CCL25: variants seen among roughly 807,000 people sequenced by gnomAD.
The protein encoded by CCL25 is C-C motif chemokine 25.
Under a neutral mutation model 19.9 loss-of-function variants are expected in CCL25, and 14 were observed. That is an observed-to-expected ratio of 0.70 (90% confidence interval 0.47 to 1.10). CCL25 has a LOEUF of 1.10. Ranked by LOEUF, CCL25 falls within the 50% of genes least tolerant of loss-of-function variation. The probability of loss-of-function intolerance (pLI) is 0.00; values close to 1 mark genes in which losing one functional copy is unlikely to be tolerated. For missense variants in CCL25, 151 were observed against 181.2 expected, an observed-to-expected ratio of 0.83 and a Z score of 0.96; for synonymous variants, 68 against 73.2, an observed-to-expected ratio of 0.93 and a Z score of 0.36.
intron 2 of CCL25, among the ~76,000 whole-genome samples, chr19:8,053,641 T>C (rs1032061926): frequency 3.3e-5 from 5 of 150,296 alleles, no homozygotes; most frequent in South Asian, 2.1e-4. Context: ...CTCCGCCTCC[T>C]GGGCTCAAGC....
chr19:8,060,982 A>ATTTTT lies in CCL25; in HGVS notation c.446-1219_446-1215dup, dbSNP rs68112327. On this transcript the variant is annotated intron_variant, in intron 5 of 5. Coordinates refer to ENST00000315626, the MANE Select transcript of CCL25 (RefSeq NM_005624.4). The stretch of plus-strand genomic sequence containing the variant: ...GGTGTGAGCCACCATGCCCGGCCTA[A>ATTTTT]TTTTTTTTTTTTTTTTTTTTTGAGA... 1.2e-3 allele frequency among the ~76,000 whole-genome samples: 117 copies of ATTTTT among 95,140 alleles called. 5 individuals are homozygous for ATTTTT. The highest frequency in any genetic ancestry group is 1.5e-3 in the Non-Finnish European group (75 of 49,802). 62.4% of individuals were successfully genotyped at this position (95,140 alleles called of 152,430 possible).
At chr19:8,055,425 T>TCC (rs1217269061) in intron 2 of CCL25, among the ~76,000 whole-genome samples, 1 of 149,372 alleles carries the variant, frequency 6.7e-6, no homozygotes, top group African/African-American at 2.5e-5. Flanking sequence ...AAGCTCTGCC[T>TCC]CCCGGGTTCA....
At chr19:8,058,995 TAATATA>T (rs1199657918) in intron 5 of CCL25, among the ~76,000 whole-genome samples, 1 of 126,488 alleles carries the variant, frequency 7.9e-6, no homozygotes, top group Admixed American at 1.0e-4. Context: ...TATAAATATA[TAATATA>T]AATATATAAA....
intron 5 of CCL25, among the ~76,000 whole-genome samples, chr19:8,058,845 A>T (rs1387612371): frequency 7.1e-6 from 1 of 140,200 alleles, no homozygotes; most frequent in Non-Finnish European, 1.5e-5. Flanking sequence ...TTTTTAGTAG[A>T]GACGGGGTTT....
At chr19:8,058,353 A>G (rs2081288083) in intron 5 of CCL25, among the ~76,000 whole-genome samples, 1 of 84,088 alleles carries the variant, frequency 1.2e-5, no homozygotes, top group Admixed American at 1.2e-4. Context: ...TAATATATAT[A>G]AGTAAATATA....
intron 4 of CCL25, 31 bp downstream of exon 4, chr19:8,056,530 G>A: frequency 6.2e-7 from 1 of 1,612,824 alleles, no homozygotes; most frequent in Non-Finnish European, 8.5e-7. Context: ...GCATCTAGGG[G>A]GCCTGCCCTC....
intron 5 of CCL25, among the ~76,000 whole-genome samples, chr19:8,058,710 G>C (rs1254278636): frequency 7.3e-6 from 1 of 137,372 alleles, no homozygotes; most frequent in African/African-American, 2.7e-5. Flanking sequence ...CCAGGCTGGA[G>C]TGCAGTGGCG....
At chr19:8,054,424 C>A (rs558638529) in intron 2 of CCL25, among the ~76,000 whole-genome samples, 3 of 152,228 alleles carry the variant, frequency 2.0e-5, no homozygotes, top group East Asian at 3.9e-4. Context: ...TCAGAGGCCG[C>A]GGTTGGGAGA....
At chr19:8,053,503 G>A (rs2145278360) in intron 2 of CCL25, among the ~76,000 whole-genome samples, 1 of 151,804 alleles carries the variant, frequency 6.6e-6, no homozygotes, top group East Asian at 1.9e-4. Context: ...TTCCCATCCT[G>A]GTCCCTCCAT....
At chr19:8,059,285 G>T (rs2041197814) in intron 5 of CCL25, among the ~76,000 whole-genome samples, 1 of 147,946 alleles carries the variant, frequency 6.8e-6, no homozygotes, top group Non-Finnish European at 1.5e-5. Context: ...TGCAACCTCC[G>T]CCTCCAGGGT....
intron 5 of CCL25, among the ~76,000 whole-genome samples, chr19:8,058,693 CTG>C (rs2081293145): frequency 7.3e-6 from 1 of 136,730 alleles, no homozygotes; most frequent in Non-Finnish European, 1.5e-5. Flanking sequence ...GAGTCTCACT[CTG>C]TTGCCCAGGC....
chr19:8,062,428 A>G lies in CCL25; in HGVS notation c.*203A>G. ...GAAAGAGGGAGTTGGCCTGATTTTA[A>G]GCCTTTTGCCGCTCCGGGGACCAGC... is the stretch of plus-strand genomic sequence containing the variant. On this transcript the variant is annotated 3_prime_UTR_variant, in exon 6 of 6. Transcript: ENST00000315626. The G allele has an allele frequency of 1.7e-6, 1 of 590,098 alleles. No individual in the cohort carries two copies. Among genetic ancestry groups the G allele is most frequent in the East Asian group, 2.9e-5 (1 of 35,056 alleles). 36.6% of individuals were successfully genotyped at this position (590,098 alleles called of 1,614,324 possible).
At chr19:8,055,581 A>T (rs575560874) in intron 2 of CCL25, among the ~76,000 whole-genome samples, 1 of 151,370 alleles carries the variant, frequency 6.6e-6, no homozygotes, top group Non-Finnish European at 1.5e-5. Flanking sequence ...TGATCCGCCC[A>T]CCTTGGCCTC....
intron 2 of CCL25, among the ~76,000 whole-genome samples, chr19:8,055,405 G>A (rs1213005572): frequency 1.3e-5 from 2 of 149,094 alleles, no homozygotes; most frequent in Non-Finnish European, 3.0e-5. Flanking sequence ...GCGCGATCTC[G>A]GCTCACTGCA....
Position 8,062,272 on chromosome 19 carries a change from T to A in CCL25, c.*47T>A. On this transcript the variant is annotated 3_prime_UTR_variant, in exon 6 of 6. Coordinates refer to ENST00000315626, the MANE Select transcript of CCL25 (RefSeq NM_005624.4). ...ATCGGCACAGGAGGGGCCGGATCTT[T>A]CTCCGATAAAACCGTCGCCCTACAG... is the stretch of plus-strand genomic sequence containing the variant. The A allele has an allele frequency of 6.2e-7, 1 of 1,611,008 alleles. No homozygotes were observed. The highest frequency in any genetic ancestry group is 8.5e-7 in the Non-Finnish European group (1 of 1,178,492).
chr19:8,055,311 C>G (rs2081262359), intron 2 of CCL25, among the ~76,000 whole-genome samples: 2 of 144,760 alleles, frequency 1.4e-5, no homozygotes, highest in Non-Finnish European at 1.5e-5. Context: ...AGGCGCCCAC[C>G]ACCATGCCTG....
rs574638122 is a variant in CCL25 at position 8,061,923 on chromosome 19, G to A, written c.446-295G>A. ...AAATTAGCCGGGCATGGTGGTACTCGCCTGTAGTTGCAGCTACTAGGGAGG... is the reference window on the plus strand; with the variant it reads ...AAATTAGCCGGGCATGGTGGTACTCACCTGTAGTTGCAGCTACTAGGGAGG... On this transcript the variant is annotated intron_variant, in intron 5 of 5. Transcript: ENST00000315626. Among the ~76,000 whole-genome samples, 3 of 151,854 alleles carry A rather than the reference G, an allele frequency of 2.0e-5. No homozygotes were observed. The East Asian group carries it at 5.8e-4, about 29-fold the overall frequency.
upstream of CCL25, chr19:8,052,748 C>T (rs1005552293): frequency 2.7e-6 from 1 of 375,404 alleles, no homozygotes; most frequent in Non-Finnish European, 4.8e-6. Context: ...TGAAGCTCAG[C>T]GTGTTGGTCC....
chr19:8,055,865 TCCCCAGAGCAGGAGTAGAGGTGG>T (rs1164912154), intron 2 of CCL25, among the ~76,000 whole-genome samples: 1 of 152,080 alleles, frequency 6.6e-6, no homozygotes, highest in Non-Finnish European at 1.5e-5. Flanking sequence ...GTCACCCTTT[TCCCCAGAGCAGGAGTAGAGGTGG>T]CCTTGGTCCG....
Sources: allele counts gnomAD v4.1 joint callset (sites outside exome capture counted in the v4.1 genomes callset), GRCh38; gene constraint gnomAD v4.1.1; transcripts MANE v1.5; gene names NCBI Gene and HGNC (gene_info 2026-07-23, HGNC 2026-07-21).